The following GLYATL1B variants were observed in gnomAD, a reference collection of about 807,000 sequenced individuals.
GLYATL1B encodes glycine-N-acyltransferase like 1B, also known as putative glycine N-acyltransferase-like protein 1B.
GLYATL1B carries 6 observed loss-of-function variants against 5.5 expected under a neutral mutation model. The ratio of observed to expected loss-of-function variants is 1.09; its 90% CI spans 0.60 to 2.15. The LOEUF is 2.15. GLYATL1B is among the 30% of genes most tolerant of loss of function. The pLI, the probability that GLYATL1B is intolerant of heterozygous loss-of-function variation, is 0.00. For missense variants in GLYATL1B, 135 were observed against 94.1 expected, an observed-to-expected ratio of 1.43 and a Z score of -1.80; for synonymous variants, 67 against 34.9, an observed-to-expected ratio of 1.92 and a Z score of -3.24.
At chr11:59,093,774 TG>T in intron 3 of GLYATL1B, 119 bp downstream of exon 3, 1 of 437,590 alleles carries the variant, frequency 2.3e-6, no homozygotes, top group Non-Finnish European at 4.1e-6. Flanking sequence ...TTCTCAGAGC[TG>T]GGAGAGGTGG....
In GLYATL1B at chr11:59,092,825, A is replaced by G. The variant is rs184107774; in HGVS notation, c.187-704A>G. Among the ~76,000 whole-genome samples, 771 of 152,318 alleles carry G rather than the reference A, an allele frequency of 5.1e-3. 8 individuals carry two copies. Among genetic ancestry groups the G allele is most frequent in the Non-Finnish European group, 8.1e-3 (549 of 68,032 alleles). ...CTGTAAAGGCCATGTCACTCTTCAAAGAGGCTGATATCCTGTAGCCTTGGG... is the reference window on the plus strand; with the variant it reads ...CTGTAAAGGCCATGTCACTCTTCAAGGAGGCTGATATCCTGTAGCCTTGGG... On this transcript the variant is annotated intron_variant, in intron 2 of 4. Coordinates refer to ENST00000527482, the MANE Select transcript of GLYATL1B (RefSeq NM_001355566.1).
At chr11:59,090,878 A>G (rs1485868797) in intron 2 of GLYATL1B, among the ~76,000 whole-genome samples, 1 of 152,154 alleles carries the variant, frequency 6.6e-6, no homozygotes, top group Admixed American at 6.6e-5. Flanking sequence ...TTAATGAAAT[A>G]GCTATAAAAA....
chr11:59,088,752 GCC>G (rs1453889926), intron 2 of GLYATL1B, among the ~76,000 whole-genome samples: 1 of 152,054 alleles, frequency 6.6e-6, no homozygotes, highest in Admixed American at 6.6e-5. Context: ...AAAGTTCCAT[GCC>G]ACACATATAT....
Position 59,094,733 on chromosome 11 carries a change from T to G in GLYATL1B, c.856T>G (p.Ser286Ala). ...KTSALGFLEASCQWHQWNCYP... is the reference protein window; with the variant it reads ...KTSALGFLEAACQWHQWNCYP... ...TAGTGCACTAGGTTTCCTTGAGGCC[T>G]CCTGTCAGTGGCACCAATGGAACTG... is the stretch of plus-strand genomic sequence containing the variant. The change falls in exon 5 of 5, where the codon TCC becomes GCC. Residue 286 changes from serine to alanine, a missense_variant. By Grantham distance (99) the Ser-to-Ala change is moderately conservative. Coordinates refer to ENST00000527482, the MANE Select transcript of GLYATL1B (RefSeq NM_001355566.1). The G allele has an allele frequency of 2.1e-6, 1 of 465,838 alleles. No individual in the cohort carries two copies. The highest frequency in any genetic ancestry group is 3.9e-6 in the Non-Finnish European group (1 of 255,704). The allele number at this position is 465,838 out of a possible 1,614,324, so 28.9% of individuals were successfully genotyped here. A position where few individuals can be genotyped will look rare whatever the true frequency, so the allele number is the denominator to read the frequency against.
chr11:59,092,928 A>G (rs7950065), intron 2 of GLYATL1B, among the ~76,000 whole-genome samples: 3,453 of 152,288 alleles, frequency 0.023, 122 homozygotes, highest in African/African-American at 0.079. Context: ...TTCTAGAACA[A>G]TATAGATTGT....
At chr11:59,086,907 T>C (rs184579382) in intron 1 of GLYATL1B, among the ~76,000 whole-genome samples, 157 bp from the exon 2 acceptor site, 1,947 of 147,164 alleles carry the variant, frequency 0.013, 26 homozygotes, top group African/African-American at 0.04. Flanking sequence ...GGTGACTTCA[T>C]GTCCATCAGT....
In GLYATL1B at chr11:59,087,051, AT is replaced by A. The variant is rs1032033036; in HGVS notation, c.79-12del. Reference sequence around the variant, plus strand: ...ATCTCAGCCTCTCCTATTCCCTTTCATCCCTCCTTCAGGTGTATGGCTCTCT... The same window carrying A: ...ATCTCAGCCTCTCCTATTCCCTTTCACCCTCCTTCAGGTGTATGGCTCTCT... On this transcript the variant is annotated splice_polypyrimidine_tract_variant and intron_variant, in intron 1 of 4. Transcript: ENST00000527482. The A allele has an allele frequency of 1.6e-5, 10 of 633,500 alleles. No individual in the cohort carries two copies. The highest frequency in any genetic ancestry group is 2.8e-5 in the Non-Finnish European group (10 of 352,024). 39.2% of individuals were successfully genotyped at this position (633,500 alleles called of 1,614,324 possible). A position where few individuals can be genotyped will look rare whatever the true frequency, so the allele number is the denominator to read the frequency against.
At chr11:59,093,253 G>T (rs1011228182) in intron 2 of GLYATL1B, among the ~76,000 whole-genome samples, 1 of 152,280 alleles carries the variant, frequency 6.6e-6, no homozygotes, top group South Asian at 2.1e-4. Flanking sequence ...GCCTGGTGGA[G>T]GGTGACTGAT....
At chr11:59,092,434 G>A (rs757674237) in intron 2 of GLYATL1B, among the ~76,000 whole-genome samples, 17 of 151,898 alleles carry the variant, frequency 1.1e-4, no homozygotes, top group Middle Eastern at 3.4e-3. Flanking sequence ...TTTAAAATCC[G>A]GTCTTTTAAA....
At chr11:59,092,910 A>G (rs1396842923) in intron 2 of GLYATL1B, among the ~76,000 whole-genome samples, 4 of 152,212 alleles carry the variant, frequency 2.6e-5, no homozygotes, top group East Asian at 3.8e-4. Flanking sequence ...AACCCTGGAC[A>G]CTGCAGATTC....
At chr11:59,091,511 A>G (rs1287654251) in intron 2 of GLYATL1B, among the ~76,000 whole-genome samples, 1 of 152,148 alleles carries the variant, frequency 6.6e-6, no homozygotes, top group Non-Finnish European at 1.5e-5. Context: ...CACCCTCTAG[A>G]GTCCATAGTG....
At chr11:59,087,037 T>C in intron 1 of GLYATL1B, 27 bp from the exon 2 acceptor site, 2 of 618,744 alleles carry the variant, frequency 3.2e-6, no homozygotes, top group South Asian at 2.6e-5. Context: ...TCTCAGCCTC[T>C]CCTATTCCCT....
At chr11:59,091,411 T>G (rs1859307271) in intron 2 of GLYATL1B, among the ~76,000 whole-genome samples, 1 of 152,222 alleles carries the variant, frequency 6.6e-6, no homozygotes, top group Non-Finnish European at 1.5e-5. Context: ...TATTGCATGA[T>G]GCTGAGTCTT....
chr11:59,091,942 T>C (rs1407363792), intron 2 of GLYATL1B, among the ~76,000 whole-genome samples: 3 of 152,246 alleles, frequency 2.0e-5, no homozygotes, highest in Non-Finnish European at 4.4e-5. Context: ...GCCATAATTC[T>C]TGTCCACTTT....
intron 1 of GLYATL1B, among the ~76,000 whole-genome samples, chr11:59,086,631 G>C (rs1173394528): frequency 6.6e-6 from 1 of 152,116 alleles, no homozygotes; most frequent in Non-Finnish European, 1.5e-5. Flanking sequence ...ACGAACATCG[G>C]TTTGGGGCCA....
chr11:59,092,150 A>C (rs1015113368), intron 2 of GLYATL1B, among the ~76,000 whole-genome samples: 1 of 149,538 alleles, frequency 6.7e-6, no homozygotes, highest in Non-Finnish European at 1.5e-5. Flanking sequence ...CTCATGGCTC[A>C]TACTCTATGC....
intron 4 of GLYATL1B, 91 bp from the exon 5 acceptor site, chr11:59,094,275 CAAG>C (rs1021789953): frequency 2.0e-6 from 1 of 488,946 alleles, no homozygotes; most frequent in Admixed American, 3.8e-5. Flanking sequence ...GGTCTTTTAA[CAAG>C]AAGAGGGCCT....
intron 2 of GLYATL1B, among the ~76,000 whole-genome samples, chr11:59,089,826 A>G (rs1357963842): frequency 2.6e-5 from 4 of 152,124 alleles, no homozygotes; most frequent in Non-Finnish European, 5.9e-5. Context: ...TTTTCATGTA[A>G]TCAAATATAT....
chr11:59,091,644 G>C (rs1212974536), intron 2 of GLYATL1B, among the ~76,000 whole-genome samples: 1 of 152,222 alleles, frequency 6.6e-6, no homozygotes, highest in Non-Finnish European at 1.5e-5. Flanking sequence ...ACTGTGGAAA[G>C]TAGTCTGGAA....
Sources: gnomAD v4.1 joint callset for allele counts (sites outside exome capture counted in the v4.1 genomes callset) on GRCh38, gnomAD v4.1.1 for gene constraint, MANE v1.5 for transcripts, NCBI Gene and HGNC (gene_info 2026-07-23, HGNC 2026-07-21) for gene names.